Variants in AGPS observed in about 807,000 individuals in gnomAD.
The protein encoded by AGPS is alkylglycerone phosphate synthase, also known as alkyldihydroxyacetonephosphate synthase, peroxisomal.
A neutral mutation model predicts 90.7 loss-of-function variants in AGPS; 26 were observed. That is an observed-to-expected ratio of 0.29 (90% CI 0.21 to 0.40). AGPS has a LOEUF of 0.40. Among genes scored for constraint, AGPS ranks in the 10% least tolerant of loss-of-function variants. The pLI, the probability that AGPS is intolerant of heterozygous loss-of-function variation, is 1.00. For missense variants in AGPS, 540 were observed against 816.1 expected (o/e 0.66, Z 4.12); for synonymous variants, 294 against 285.3 (o/e 1.03, Z -0.31).
At chr2:177,479,772 A>G (rs1407946743) in intron 10 of AGPS, among the ~76,000 whole-genome samples, 1 of 152,200 alleles carries the variant, frequency 6.6e-6, no homozygotes, top group Admixed American at 6.5e-5. Flanking sequence ...AGGGTGTGGG[A>G]GTAGAAATGG....
chr2:177,471,486 T>C (rs1432517229), intron 10 of AGPS, among the ~76,000 whole-genome samples: 1 of 152,214 alleles, frequency 6.6e-6, no homozygotes, highest in Non-Finnish European at 1.5e-5. Context: ...ATGTAATAAA[T>C]ATTCAAGCAT....
intron 1 of AGPS, among the ~76,000 whole-genome samples, chr2:177,398,088 A>G (rs1481878173): frequency 6.6e-6 from 1 of 152,202 alleles, no homozygotes; most frequent in African/African-American, 2.4e-5. Flanking sequence ...GCTTTGGTAG[A>G]TATTTTCCAG....
chr2:177,446,330 T>G (rs1001194948), intron 8 of AGPS, among the ~76,000 whole-genome samples: 1 of 152,194 alleles, frequency 6.6e-6, no homozygotes, highest in African/African-American at 2.4e-5. Flanking sequence ...ATTTTTTGTA[T>G]TTTTAGTAGG....
chr2:177,506,389 G>A (rs1222464186), intron 15 of AGPS, among the ~76,000 whole-genome samples: 1 of 151,184 alleles, frequency 6.6e-6, no homozygotes, highest in African/African-American at 2.4e-5. Flanking sequence ...ATATTTTCAG[G>A]GTACGTATGA....
intron 19 of AGPS, among the ~76,000 whole-genome samples, chr2:177,532,950 A>T (rs1251283729): frequency 6.6e-6 from 1 of 152,176 alleles, no homozygotes; most frequent in African/African-American, 2.4e-5. Context: ...GAGTAAAAAA[A>T]AGATTAGTGA....
At chr2:177,468,827 T>G (rs998676953) in intron 10 of AGPS, among the ~76,000 whole-genome samples, 1 of 152,190 alleles carries the variant, frequency 6.6e-6, no homozygotes, top group Non-Finnish European at 1.5e-5. Flanking sequence ...TTTGACATTT[T>G]GTATTATAGT....
chr2:177,419,921 A>C (rs1004172516), intron 1 of AGPS, among the ~76,000 whole-genome samples: 1 of 151,780 alleles, frequency 6.6e-6, no homozygotes, highest in Admixed American at 6.6e-5. Flanking sequence ...TTTAATTGCA[A>C]AGCTTTTTAG....
chr2:177,466,654 G>T (rs368659758), intron 9 of AGPS, among the ~76,000 whole-genome samples: 2 of 152,358 alleles, frequency 1.3e-5, no homozygotes, highest in African/African-American at 2.4e-5. Context: ...AGGCAGCAGG[G>T]TGCTGGCATG....
At chr2:177,419,694 G>A (rs1040078059) in intron 1 of AGPS, among the ~76,000 whole-genome samples, 1 of 151,782 alleles carries the variant, frequency 6.6e-6, no homozygotes. Flanking sequence ...AGTGAGTATG[G>A]CCATTAACTG....
intron 10 of AGPS, among the ~76,000 whole-genome samples, chr2:177,479,971 G>A (rs542057203): frequency 5.3e-5 from 8 of 152,126 alleles, no homozygotes; most frequent in African/African-American, 1.7e-4. Flanking sequence ...ACCTGAGGTC[G>A]GGAGTTCGAG....
intron 19 of AGPS, among the ~76,000 whole-genome samples, chr2:177,534,600 T>C (rs988269256): frequency 1.5e-5 from 2 of 133,484 alleles, no homozygotes; most frequent in Non-Finnish European, 3.1e-5. Flanking sequence ...TCTTTTTTTT[T>C]TGTGAGCTAT....
intron 19 of AGPS, among the ~76,000 whole-genome samples, chr2:177,533,164 TTGAC>T (rs1451357296): frequency 6.6e-6 from 1 of 152,230 alleles, no homozygotes; most frequent in Admixed American, 6.5e-5. Context: ...TTCAGTTTCT[TTGAC>T]TGGCCTTTTC....
chr2:177,408,757 G>A (rs1000467987), intron 1 of AGPS, among the ~76,000 whole-genome samples: 2 of 152,164 alleles, frequency 1.3e-5, no homozygotes, highest in Non-Finnish European at 2.9e-5. Context: ...TAAGGTTTGG[G>A]TGAGAGCAAC....
intron 8 of AGPS, among the ~76,000 whole-genome samples, chr2:177,458,878 A>G (rs973919230): frequency 6.6e-6 from 1 of 152,148 alleles, no homozygotes; most frequent in African/African-American, 2.4e-5. Flanking sequence ...ACAATCCTGG[A>G]CAAGAAGAAC....
chr2:177,405,115 T>A (rs1350176955), intron 1 of AGPS, among the ~76,000 whole-genome samples: 1 of 152,234 alleles, frequency 6.6e-6, no homozygotes, highest in Non-Finnish European at 1.5e-5. Context: ...TTCTTGCTAC[T>A]ATTTGCTGCA....
intron 8 of AGPS, 69 bp from the exon 9 acceptor site, chr2:177,461,824 G>T: frequency 1.4e-6 from 2 of 1,426,728 alleles, no homozygotes; most frequent in Non-Finnish European, 9.7e-7. Context: ...AGTGGGAGGA[G>T]TTAATGTGTT....
chr2:177,513,976 A>G, intron 17 of AGPS, 68 bp downstream of exon 17: 3 of 1,197,946 alleles, frequency 2.5e-6, no homozygotes, highest in South Asian at 2.5e-5. Context: ...CAAGGGGGGG[A>G]ATATAATTTT....
At chr2:177,443,503 T>G (rs576759953) in intron 7 of AGPS, among the ~76,000 whole-genome samples, 26 of 152,342 alleles carry the variant, frequency 1.7e-4, no homozygotes, top group Non-Finnish European at 3.1e-4. Flanking sequence ...AAATTAGAAG[T>G]TCCATATAAA....
chr2:177,453,569 C>G (rs1687016242), intron 8 of AGPS, among the ~76,000 whole-genome samples: 1 of 151,932 alleles, frequency 6.6e-6, no homozygotes, highest in Admixed American at 6.6e-5. Context: ...CACAGCCAGC[C>G]TAGGTTGCAG....
Sources: gnomAD v4.1 joint callset for allele counts (sites outside exome capture counted in the v4.1 genomes callset) on GRCh38, gnomAD v4.1.1 for gene constraint, MANE v1.5 for transcripts, NCBI Gene and HGNC (gene_info 2026-07-23, HGNC 2026-07-21) for gene names.